CDH8: variants seen among roughly 807,000 people sequenced by gnomAD.
CDH8 encodes cadherin 8, also known as cadherin-8.
A neutral mutation model predicts 68.1 loss-of-function variants in CDH8; 17 were observed. The ratio of observed to expected loss-of-function variants is 0.25; its 90% confidence interval spans 0.17 to 0.37. The LOEUF (loss-of-function observed/expected upper bound fraction) is 0.37. CDH8 is among the 10% of genes least tolerant of loss of function. The pLI is 1.00. For missense variants in CDH8, 763 were observed against 999.3 expected, an observed-to-expected ratio of 0.76 and a Z score of 3.19; for synonymous variants, 372 against 365.1, an observed-to-expected ratio of 1.02 and a Z score of -0.21.
At chr16:61,770,535 T>C (rs1960750947) in intron 8 of CDH8, among the ~76,000 whole-genome samples, 1 of 151,880 alleles carries the variant, frequency 6.6e-6, no homozygotes, top group Non-Finnish European at 1.5e-5. Context: ...ATCATAACCA[T>C]AGCTGAATGA....
At chr16:62,002,047 C>G (rs555653268) in intron 2 of CDH8, among the ~76,000 whole-genome samples, 2 of 152,146 alleles carry the variant, frequency 1.3e-5, no homozygotes, top group South Asian at 2.1e-4. Flanking sequence ...CATTCAGAAT[C>G]TTTTTGTGTG....
chr16:61,875,319 G>A (rs1963440403), intron 3 of CDH8, among the ~76,000 whole-genome samples: 1 of 152,008 alleles, frequency 6.6e-6, no homozygotes, highest in Non-Finnish European at 1.5e-5. Context: ...GCATTACAAT[G>A]ACCCACTAAG....
At chr16:61,925,499 C>G (rs921794402) in intron 2 of CDH8, among the ~76,000 whole-genome samples, 3 of 152,152 alleles carry the variant, frequency 2.0e-5, no homozygotes, top group African/African-American at 7.2e-5. Context: ...ATTATTTTTA[C>G]TGTTAGAGAT....
intron 3 of CDH8, among the ~76,000 whole-genome samples, chr16:61,884,555 G>A (rs1031579087): frequency 2.0e-5 from 3 of 151,834 alleles, no homozygotes; most frequent in Non-Finnish European, 4.4e-5. Context: ...TGTATTTTTA[G>A]TAGAGACAGG....
intron 2 of CDH8, among the ~76,000 whole-genome samples, chr16:61,993,906 A>G (rs779702960): frequency 1.6e-4 from 24 of 152,214 alleles, no homozygotes; most frequent in Non-Finnish European, 1.6e-4. Flanking sequence ...ATAGCTGCAT[A>G]GTATTTTAAA....
chr16:61,671,059 C>A (rs1450349195), intron 10 of CDH8, among the ~76,000 whole-genome samples: 1 of 151,902 alleles, frequency 6.6e-6, no homozygotes, highest in Non-Finnish European at 1.5e-5. Flanking sequence ...AAATTTCAAC[C>A]CCATTACCAC....
chr16:62,008,382 G>A (rs1392960380), intron 2 of CDH8, among the ~76,000 whole-genome samples: 1 of 152,198 alleles, frequency 6.6e-6, no homozygotes, highest in Non-Finnish European at 1.5e-5. Flanking sequence ...ACGTGAATGT[G>A]ATGATGGGGA....
intron 7 of CDH8, among the ~76,000 whole-genome samples, chr16:61,807,376 G>T (rs561203668): frequency 6.0e-5 from 9 of 150,874 alleles, no homozygotes; most frequent in Non-Finnish European, 1.0e-4. Flanking sequence ...AATGCTAGAT[G>T]ACAAGTTAGT....
chr16:61,881,007 A>G (rs1050410902), intron 3 of CDH8, among the ~76,000 whole-genome samples: 1 of 152,052 alleles, frequency 6.6e-6, no homozygotes, highest in Non-Finnish European at 1.5e-5. Context: ...CCAACCATCT[A>G]CCAAGATCTG....
chr16:61,875,014 T>G (rs919306083), intron 3 of CDH8, among the ~76,000 whole-genome samples: 2 of 152,146 alleles, frequency 1.3e-5, no homozygotes, highest in East Asian at 3.9e-4. Context: ...ATTTTAAAAA[T>G]CTTTGGTGGA....
chr16:61,974,728 G>T (rs973018146), intron 2 of CDH8, among the ~76,000 whole-genome samples: 1 of 152,212 alleles, frequency 6.6e-6, no homozygotes, highest in South Asian at 2.1e-4. Flanking sequence ...GTTTTCATGG[G>T]CAGTAATTCT....
At chr16:61,920,886 A>C (rs1964352898) in intron 2 of CDH8, among the ~76,000 whole-genome samples, 1 of 127,700 alleles carries the variant, frequency 7.8e-6, no homozygotes, top group Non-Finnish European at 1.6e-5. Flanking sequence ...TGGATTAAGA[A>C]AATGTGGCAC....
intron 2 of CDH8, among the ~76,000 whole-genome samples, chr16:62,007,157 C>G (rs1965989346): frequency 6.6e-6 from 1 of 152,104 alleles, no homozygotes; most frequent in Non-Finnish European, 1.5e-5. Flanking sequence ...CCACCCACCT[C>G]GGCCTCCCAA....
At position 61,990,938 on chromosome 16, in the gene CDH8, GAAAC is replaced by G. The variant is rs368633359; in HGVS notation, c.252+30210_252+30213del. 5.2e-3 allele frequency among the ~76,000 whole-genome samples: 787 copies of G among 150,810 alleles called. 5 individuals are homozygous for G. Among genetic ancestry groups the G allele is most frequent in the African/African-American group, 0.018 (748 of 41,046 alleles). On this transcript the variant is annotated intron_variant, in intron 2 of 11. Transcript: ENST00000577390. ...GAAGGAGGGAAGGAAGGAAAAGAAA[GAAAC>G]AGAGAGAGAGAAAAAAGAAAGAAAG...
chr16:61,771,711 A>G (rs1240255277), intron 8 of CDH8, among the ~76,000 whole-genome samples: 1 of 151,956 alleles, frequency 6.6e-6, no homozygotes, highest in Non-Finnish European at 1.5e-5. Flanking sequence ...ATGTACACAC[A>G]CCCACACATA....
intron 9 of CDH8, among the ~76,000 whole-genome samples, chr16:61,715,629 A>T (rs1304741746): frequency 6.6e-6 from 1 of 151,648 alleles, no homozygotes; most frequent in African/African-American, 2.4e-5. Flanking sequence ...TTATAAATGT[A>T]ACAACTCTGT....
At chr16:61,977,511 G>C (rs943607699) in intron 2 of CDH8, among the ~76,000 whole-genome samples, 1 of 152,096 alleles carries the variant, frequency 6.6e-6, no homozygotes, top group Non-Finnish European at 1.5e-5. Flanking sequence ...ATCTATAAAA[G>C]TGTGAGTCTG....
intron 7 of CDH8, among the ~76,000 whole-genome samples, chr16:61,792,009 C>T (rs1961389574): frequency 6.6e-6 from 1 of 151,880 alleles, no homozygotes; most frequent in Non-Finnish European, 1.5e-5. Context: ...AAAATAGGCT[C>T]ATCATCATCA....
chr16:61,802,752 G>A (rs1466626192), intron 7 of CDH8, among the ~76,000 whole-genome samples: 2 of 137,698 alleles, frequency 1.5e-5, no homozygotes, highest in Admixed American at 7.5e-5. Flanking sequence ...GAAGCGAGAA[G>A]GGAAGGTTAG....
Sources: allele counts gnomAD v4.1 joint callset (sites outside exome capture counted in the v4.1 genomes callset), GRCh38; gene constraint gnomAD v4.1.1; transcripts MANE v1.5; gene names NCBI Gene and HGNC (gene_info 2026-07-23, HGNC 2026-07-21).